The following KCNIP4 variants were observed in gnomAD, a reference collection of about 807,000 sequenced individuals.
KCNIP4 encodes the protein Kv channel-interacting protein 4.
In KCNIP4, 12 loss-of-function variants were observed where a neutral mutation model predicts 34.0. The observed-to-expected ratio is 0.35, with a 90% CI of 0.23 to 0.57. KCNIP4 has a LOEUF of 0.57. Among genes scored for constraint, KCNIP4 ranks in the 20% least tolerant of loss-of-function variants. The pLI is 0.83. For missense variants in KCNIP4, 238 were observed against 311.7 expected, an observed-to-expected ratio of 0.76 and a Z score of 1.78; for synonymous variants, 124 against 102.2, an observed-to-expected ratio of 1.21 and a Z score of -1.29.
Position 20,797,186 on chromosome 4 carries a change from G to A in KCNIP4, c.289-38296C>T, listed in dbSNP as rs1273657452. Among the ~76,000 whole-genome samples the A allele has an allele frequency of 2.6e-5, 4 of 152,156 alleles. 1 individual carries two copies. The highest frequency in any genetic ancestry group is 9.7e-5 in the African/African-American group (4 of 41,442). ...CTCATTTAGTGGAGGGAGGTAATAG[G>A]ATTTTTCTATCTGCTATAGAAGCTA... On this transcript the variant is annotated intron_variant, in intron 3 of 8. Coordinates refer to ENST00000382152, the MANE Select transcript of KCNIP4 (RefSeq NM_025221.6).
At chr4:21,212,513 C>T (rs187637604) in intron 1 of KCNIP4, among the ~76,000 whole-genome samples, 15 of 152,256 alleles carry the variant, frequency 9.9e-5, no homozygotes, top group East Asian at 7.7e-4. Context: ...CATTGTTTCA[C>T]GGTTGTCTTC....
At chr4:21,928,507 A>G (rs1391213359) in intron 1 of KCNIP4, among the ~76,000 whole-genome samples, 1 of 152,160 alleles carries the variant, frequency 6.6e-6, no homozygotes, top group Non-Finnish European at 1.5e-5. Flanking sequence ...CAAAGAGTAA[A>G]TCACCTTTTC....
rs55649635 is a variant in KCNIP4 at position 21,166,938 on chromosome 4, C to CAAAAAAAAAAAAAAAAAAAA, written c.62-284249_62-284230dup. On this transcript the variant is annotated intron_variant, in intron 1 of 8. Transcript: ENST00000382152. The stretch of plus-strand genomic sequence containing the variant: ...TGGGGGACAGAGCTACACTCCATCT[C>CAAAAAAAAAAAAAAAAAAAA]AAAAAAAAAAAAAAAAAAAAAAAAA... Among the ~76,000 whole-genome samples the CAAAAAAAAAAAAAAAAAAAA allele has an allele frequency of 9.9e-4, 37 of 37,560 alleles. 3 individuals carry two copies. The highest frequency in any genetic ancestry group is 3.6e-3 in the African/African-American group (34 of 9,318). 24.6% of individuals were successfully genotyped at this position (37,560 alleles called of 152,430 possible).
rs373627297 is a variant in KCNIP4, at chr4:21,729,377, C to T, written c.61+219194G>A. 1.1e-4 allele frequency among the ~76,000 whole-genome samples: 16 copies of T among 152,166 alleles called. No individual in the cohort carries two copies. The East Asian group carries it at 2.5e-3, about 24-fold the overall frequency. ...CACCAGTGACTACTTAGAATAGATG[C>T]CACTATAAATTTTCTGGCCCTAGTA... is the stretch of plus-strand genomic sequence containing the variant. On this transcript the variant is annotated intron_variant, in intron 1 of 8. Coordinates refer to ENST00000382152, the MANE Select transcript of KCNIP4 (RefSeq NM_025221.6).
intron 1 of KCNIP4, among the ~76,000 whole-genome samples, chr4:21,725,326 G>A (rs1715112386): frequency 6.6e-6 from 1 of 152,138 alleles, no homozygotes; most frequent in African/African-American, 2.4e-5. Flanking sequence ...GAGCTGGTGT[G>A]TTAGAGTCAG....
intron 1 of KCNIP4, among the ~76,000 whole-genome samples, chr4:21,236,112 T>C (rs1228490531): frequency 6.6e-6 from 1 of 151,994 alleles, no homozygotes; most frequent in East Asian, 1.9e-4. Context: ...CTAGGCAACA[T>C]GGTAAAATCC....
At chr4:21,942,576 T>C in intron 1 of KCNIP4, among the ~76,000 whole-genome samples, 1 of 152,234 alleles carries the variant, frequency 6.6e-6, no homozygotes, top group East Asian at 1.9e-4. Context: ...TGATGTCATG[T>C]ACTGTGCTCA....
intron 3 of KCNIP4, among the ~76,000 whole-genome samples, chr4:20,764,677 A>G (rs1019699292): frequency 1.2e-5 from 1 of 84,304 alleles, no homozygotes; most frequent in Admixed American, 1.5e-4. Context: ...TCACATGGGA[A>G]TTGGACACAC....
intron 1 of KCNIP4, among the ~76,000 whole-genome samples, chr4:21,917,614 C>G (rs918191109): frequency 6.7e-6 from 1 of 148,270 alleles, no homozygotes; most frequent in African/African-American, 2.4e-5. Flanking sequence ...CCTGGACTGT[C>G]TAATCCATAT....
At chr4:21,504,335 G>A (rs1303301207) in intron 1 of KCNIP4, among the ~76,000 whole-genome samples, 1 of 151,842 alleles carries the variant, frequency 6.6e-6, no homozygotes, top group Non-Finnish European at 1.5e-5. Context: ...GGGCATGGTG[G>A]CGCGTGCCTG....
chr4:21,108,725 G>T (rs1748831182), intron 1 of KCNIP4, among the ~76,000 whole-genome samples: 1 of 150,892 alleles, frequency 6.6e-6, no homozygotes, highest in Non-Finnish European at 1.5e-5. Flanking sequence ...CCATCTTTGT[G>T]GTTTTATCTA....
chr4:21,172,046 G>GTTTTC (rs1481852947), intron 1 of KCNIP4, among the ~76,000 whole-genome samples: 89 of 152,116 alleles, frequency 5.9e-4, no homozygotes, highest in African/African-American at 2.1e-3. Flanking sequence ...GTTTTGTTTT[G>GTTTTC]AGACAGAGTC....
At chr4:21,241,875 C>A (rs1759839992) in intron 1 of KCNIP4, among the ~76,000 whole-genome samples, 1 of 152,124 alleles carries the variant, frequency 6.6e-6, no homozygotes, top group Middle Eastern at 3.4e-3. Flanking sequence ...AGAATGTCTT[C>A]TTATGTTGGC....
In KCNIP4 at chr4:20,984,394, G is replaced by A. The variant is rs1408004566; in HGVS notation, c.62-101685C>T. ...TTTTCTGCCTGAGAAGCTTGCGAAT[G>A]GCCCCTTTTTGCCAAAGCTGCTGCT... On this transcript the variant is annotated intron_variant, in intron 1 of 8. Coordinates refer to ENST00000382152, the MANE Select transcript of KCNIP4 (RefSeq NM_025221.6). Among the ~76,000 whole-genome samples the A allele has an allele frequency of 3.3e-5, 5 of 152,322 alleles. No homozygotes were observed. The East Asian group carries it at 9.7e-4, about 30-fold the overall frequency.
intron 1 of KCNIP4, among the ~76,000 whole-genome samples, chr4:21,209,771 T>C (rs1454430590): frequency 6.6e-6 from 1 of 152,214 alleles, no homozygotes; most frequent in Non-Finnish European, 1.5e-5. Flanking sequence ...AGTAGGTACT[T>C]GATAAAATTT....
intron 1 of KCNIP4, among the ~76,000 whole-genome samples, chr4:21,543,439 T>A (rs1737867839): frequency 6.6e-6 from 1 of 152,056 alleles, no homozygotes; most frequent in African/African-American, 2.4e-5. Flanking sequence ...CATAAGAGAA[T>A]CCTAAAACTG....
intron 1 of KCNIP4, among the ~76,000 whole-genome samples, chr4:21,209,569 A>G (rs1757087679): frequency 6.6e-6 from 1 of 151,964 alleles, no homozygotes; most frequent in African/African-American, 2.4e-5. Flanking sequence ...ATTTAGTAAG[A>G]TTTCTTTTAT....
chr4:20,967,508 C>A (rs113721743), intron 1 of KCNIP4, among the ~76,000 whole-genome samples: 1 of 152,198 alleles, frequency 6.6e-6, no homozygotes, highest in East Asian at 1.9e-4. Context: ...CTGGAGGCAT[C>A]ATGCTACCTG....
chr4:21,273,739 T>C (rs1327820901), intron 1 of KCNIP4, among the ~76,000 whole-genome samples: 1 of 152,180 alleles, frequency 6.6e-6, no homozygotes, highest in Non-Finnish European at 1.5e-5. Context: ...ACTTTTTCTC[T>C]TACTATACCC....
Sources: gnomAD v4.1 joint callset for allele counts (sites outside exome capture counted in the v4.1 genomes callset) on GRCh38, gnomAD v4.1.1 for gene constraint, MANE v1.5 for transcripts, NCBI Gene and HGNC (gene_info 2026-07-23, HGNC 2026-07-21) for gene names.